The following KCNIP4 variants were observed in gnomAD, a reference collection of about 807,000 sequenced individuals.
KCNIP4 encodes the protein potassium voltage-gated channel interacting protein 4.
In KCNIP4, 12 loss-of-function variants were observed where a neutral mutation model predicts 34.0. That is an observed-to-expected ratio of 0.35 (90% CI 0.23 to 0.57). KCNIP4 has a LOEUF of 0.57. Ranked by LOEUF, KCNIP4 falls within the 20% of genes least tolerant of loss-of-function variation. The pLI is 0.83. For synonymous variants in KCNIP4, 124 were observed against 102.2 expected (o/e 1.21, Z -1.29); for missense variants, 238 against 311.7 (o/e 0.76, Z 1.78).
chr4:21,064,983 C>A, intron 1 of KCNIP4, among the ~76,000 whole-genome samples: 1 of 152,082 alleles, frequency 6.6e-6, no homozygotes, highest in East Asian at 1.9e-4. Flanking sequence ...ATATTAAATA[C>A]ATTGACCACC....
intron 1 of KCNIP4, among the ~76,000 whole-genome samples, chr4:21,653,244 C>A (rs1373349196): frequency 6.6e-6 from 1 of 152,190 alleles, no homozygotes; most frequent in Non-Finnish European, 1.5e-5. Context: ...CTGGGGCACA[C>A]TGCCTGGGTT....
At chr4:21,682,828 G>A (rs1750477168) in intron 1 of KCNIP4, among the ~76,000 whole-genome samples, 1 of 152,148 alleles carries the variant, frequency 6.6e-6, no homozygotes, top group South Asian at 2.1e-4. Flanking sequence ...AACATTTATT[G>A]ATTACGTTCA....
intron 1 of KCNIP4, among the ~76,000 whole-genome samples, chr4:21,893,288 T>G (rs1394215029): frequency 6.6e-6 from 1 of 152,192 alleles, no homozygotes; most frequent in African/African-American, 2.4e-5. Context: ...CCAGAAATCA[T>G]GATCCAATGT....
intron 1 of KCNIP4, among the ~76,000 whole-genome samples, chr4:21,516,266 T>C (rs358564): frequency 0.67 from 101,517 of 152,050 alleles, 34,029 homozygotes; most frequent in East Asian, 0.84. Flanking sequence ...ATGTATAATA[T>C]ACATAAGTTC....
chr4:20,968,413 G>T (rs973653177), intron 1 of KCNIP4, among the ~76,000 whole-genome samples: 1 of 151,992 alleles, frequency 6.6e-6, no homozygotes, highest in Non-Finnish European at 1.5e-5. Flanking sequence ...TTGACCCAAC[G>T]ATCCCATTAC....
At chr4:21,627,346 T>C (rs189565129) in intron 1 of KCNIP4, among the ~76,000 whole-genome samples, 61 of 152,244 alleles carry the variant, frequency 4.0e-4, no homozygotes, top group Non-Finnish European at 7.4e-4. Flanking sequence ...TTTCCTTCTA[T>C]TCCTACTCCA....
chr4:21,153,474 T>C (rs1254497865), intron 1 of KCNIP4, among the ~76,000 whole-genome samples: 1 of 145,794 alleles, frequency 6.9e-6, no homozygotes, highest in African/African-American at 2.5e-5. Context: ...TCTTTATATA[T>C]ATACATATAT....
chr4:21,636,140 G>C (rs1462798528), intron 1 of KCNIP4, among the ~76,000 whole-genome samples: 29 of 125,334 alleles, frequency 2.3e-4, no homozygotes, highest in Non-Finnish European at 4.1e-4. Context: ...GGACTGTTGT[G>C]GGGTGGGGGG....
At chr4:21,027,758 G>A (rs770839106) in intron 1 of KCNIP4, among the ~76,000 whole-genome samples, 15 of 151,896 alleles carry the variant, frequency 9.9e-5, no homozygotes, top group Non-Finnish European at 1.9e-4. Context: ...GGAAAGGACC[G>A]TTTGTCTAAT....
intron 1 of KCNIP4, among the ~76,000 whole-genome samples, chr4:21,382,073 C>A (rs1721560594): frequency 6.6e-6 from 1 of 152,100 alleles, no homozygotes; most frequent in Non-Finnish European, 1.5e-5. Context: ...TGTTGTATGA[C>A]CTTGGGATGT....
At chr4:21,434,887 T>C (rs1726814495) in intron 1 of KCNIP4, among the ~76,000 whole-genome samples, 1 of 152,126 alleles carries the variant, frequency 6.6e-6, no homozygotes, top group Non-Finnish European at 1.5e-5. Context: ...CTGGGTGTTC[T>C]AGATAAGTTA....
chr4:20,934,363 A>G (rs555266235), intron 1 of KCNIP4, among the ~76,000 whole-genome samples: 16 of 152,282 alleles, frequency 1.1e-4, no homozygotes, highest in African/African-American at 1.7e-4. Context: ...AAGACATTCT[A>G]TATCTATTAT....
chr4:20,745,407 A>T (rs560306111), intron 5 of KCNIP4, among the ~76,000 whole-genome samples: 2 of 152,292 alleles, frequency 1.3e-5, no homozygotes, highest in South Asian at 2.1e-4. Flanking sequence ...GAGTTACTCA[A>T]AACAGGAATG....
intron 1 of KCNIP4, among the ~76,000 whole-genome samples, chr4:21,555,700 A>G (rs993255040): frequency 2.6e-5 from 4 of 152,184 alleles, no homozygotes; most frequent in African/African-American, 4.8e-5. Context: ...GTTCAGGTAG[A>G]TTTCTTTGTC....
intron 1 of KCNIP4, among the ~76,000 whole-genome samples, chr4:21,238,491 A>G (rs1759546104): frequency 6.6e-6 from 1 of 152,212 alleles, no homozygotes; most frequent in African/African-American, 2.4e-5. Context: ...TCATCGTCTC[A>G]GCTCAAAATC....
chr4:21,643,470 G>A (rs1478004063), intron 1 of KCNIP4, among the ~76,000 whole-genome samples: 1 of 152,016 alleles, frequency 6.6e-6, no homozygotes. Flanking sequence ...TGAGTGCCAG[G>A]TTTACAAAAA....
intron 1 of KCNIP4, among the ~76,000 whole-genome samples, chr4:21,119,870 T>TTAACTAAG (rs1430280075): frequency 6.6e-6 from 1 of 152,184 alleles, no homozygotes; most frequent in East Asian, 1.9e-4. Context: ...TGTGTGCTCC[T>TTAACTAAG]TAACTAAGTG....
chr4:20,930,248 A>C (rs1577384111), intron 1 of KCNIP4, among the ~76,000 whole-genome samples: 1 of 152,208 alleles, frequency 6.6e-6, no homozygotes, highest in Non-Finnish European at 1.5e-5. Flanking sequence ...TACCAACAGG[A>C]CACCCTGAAG....
In KCNIP4 at chr4:20,865,926, T is replaced by C. The variant is rs114014313; in HGVS notation, c.164-15259A>G. Among the ~76,000 whole-genome samples the C allele has an allele frequency of 8.7e-3, 1,324 of 152,190 alleles. 25 individuals carry two copies. Among genetic ancestry groups the C allele is most frequent in the African/African-American group, 0.03 (1,266 of 41,564 alleles). ...TACAGTAAGTGTTTCACCATCTATA[T>C]GTACATCAAAACGTCATGTTGTACA... On this transcript the variant is annotated intron_variant, in intron 2 of 8. Coordinates refer to ENST00000382152, the MANE Select transcript of KCNIP4 (RefSeq NM_025221.6).
Sources: gnomAD v4.1 joint callset for allele counts (sites outside exome capture counted in the v4.1 genomes callset) on GRCh38, gnomAD v4.1.1 for gene constraint, MANE v1.5 for transcripts, NCBI Gene and HGNC (gene_info 2026-07-23, HGNC 2026-07-21) for gene names.